FOXN3: variants seen among roughly 807,000 people sequenced by gnomAD.
The protein encoded by FOXN3 is forkhead box protein N3.
FOXN3 carries 7 observed loss-of-function variants against 38.4 expected under a neutral mutation model. The observed-to-expected ratio is 0.18, with a 90% CI of 0.10 to 0.34. FOXN3 has a LOEUF of 0.34. FOXN3 is among the 10% of genes least tolerant of loss of function. The probability of loss-of-function intolerance (pLI) is 1.00; values close to 1 mark genes in which losing one functional copy is unlikely to be tolerated. For synonymous variants in FOXN3, 230 were observed against 242.2 expected (o/e 0.95, Z 0.47); for missense variants, 456 against 613.4 (o/e 0.74, Z 2.71).
Position 89,184,405 on chromosome 14 carries a change from G to A in FOXN3, c.746-3599C>T, listed in dbSNP as rs11851247. On this transcript the variant is annotated intron_variant, in intron 4 of 5. Coordinates refer to ENST00000557258, the MANE Select transcript of FOXN3 (RefSeq NM_005197.4). ...AGGAAGAAAAGCACCCCTGGGGAGA[G>A]TGTGGCATGACAGAGTCCTCTGCCC... Among the ~76,000 whole-genome samples the A allele has an allele frequency of 3.2e-3, 492 of 152,320 alleles. 3 individuals are homozygous for A. Among genetic ancestry groups the A allele is most frequent in the African/African-American group, 0.011 (456 of 41,562 alleles).
At chr14:89,477,389 G>A (rs1236982862) in intron 1 of FOXN3, among the ~76,000 whole-genome samples, 4 of 152,074 alleles carry the variant, frequency 2.6e-5, no homozygotes, top group Non-Finnish European at 5.9e-5. Context: ...ATCTTTTCTA[G>A]GGTGTTATAA....
intron 1 of FOXN3, among the ~76,000 whole-genome samples, chr14:89,464,270 C>T (rs1892923767): frequency 6.6e-6 from 1 of 152,170 alleles, no homozygotes. Flanking sequence ...ATTTCCTAGA[C>T]CTGGGAGTCC....
At chr14:89,394,269 G>T (rs1596249170) in intron 2 of FOXN3, among the ~76,000 whole-genome samples, 1 of 149,016 alleles carries the variant, frequency 6.7e-6, no homozygotes, top group Non-Finnish European at 1.5e-5. Flanking sequence ...CCAGGCTGGG[G>T]TGCAACTCAC....
intron 1 of FOXN3, among the ~76,000 whole-genome samples, chr14:89,529,223 TTG>T (rs757124126): frequency 1.8e-4 from 28 of 152,140 alleles, no homozygotes; most frequent in Non-Finnish European, 4.1e-4. Flanking sequence ...CAATTCGTGT[TTG>T]TGTGTGTGTC....
intron 1 of FOXN3, among the ~76,000 whole-genome samples, chr14:89,615,345 C>G (rs1029478742): frequency 3.3e-5 from 5 of 152,138 alleles, no homozygotes; most frequent in Non-Finnish European, 7.4e-5. Flanking sequence ...GTGTGAGTAA[C>G]TAGCTGACAA....
chr14:89,483,644 G>A (rs747724661), intron 1 of FOXN3, among the ~76,000 whole-genome samples: 1 of 152,138 alleles, frequency 6.6e-6, no homozygotes, highest in African/African-American at 2.4e-5. Flanking sequence ...CTGACCTCAG[G>A]TGATCCGCCT....
At chr14:89,500,590 G>A (rs1274986926) in intron 1 of FOXN3, among the ~76,000 whole-genome samples, 1 of 152,240 alleles carries the variant, frequency 6.6e-6, no homozygotes, top group Non-Finnish European at 1.5e-5. Flanking sequence ...CATGCTGGGG[G>A]TGTGCCCCTA....
chr14:89,219,587 T>G (rs1378274630), intron 4 of FOXN3, among the ~76,000 whole-genome samples: 2 of 152,172 alleles, frequency 1.3e-5, no homozygotes, highest in Non-Finnish European at 2.9e-5. Flanking sequence ...ATCAAACATC[T>G]GGCGAGTGGA....
At chr14:89,182,911 G>GAAA (rs923370644) in intron 4 of FOXN3, among the ~76,000 whole-genome samples, 1 of 152,160 alleles carries the variant, frequency 6.6e-6, no homozygotes, top group Non-Finnish European at 1.5e-5. Flanking sequence ...ATCCATTTGG[G>GAAA]AAAAAAATGA....
chr14:89,573,774 A>G (rs2139898614), intron 1 of FOXN3, among the ~76,000 whole-genome samples: 1 of 152,334 alleles, frequency 6.6e-6, no homozygotes, highest in East Asian at 1.9e-4. Context: ...AGGCCACAAG[A>G]GGATTAAAGC....
At chr14:89,360,502 GA>G (rs1889434204) in intron 2 of FOXN3, among the ~76,000 whole-genome samples, 1 of 142,386 alleles carries the variant, frequency 7.0e-6, no homozygotes. Context: ...GGAAGGGAGG[GA>G]AAAACGGTGA....
chr14:89,429,356 A>C (rs1302720359), intron 1 of FOXN3, among the ~76,000 whole-genome samples: 2 of 152,096 alleles, frequency 1.3e-5, no homozygotes, highest in Non-Finnish European at 2.9e-5. Context: ...TCGGTCTAAA[A>C]CGCCTGGCAC....
chr14:89,291,054 T>A, intron 3 of FOXN3: 1 of 484,422 alleles, frequency 2.1e-6, no homozygotes, highest in Non-Finnish European at 4.1e-6. Flanking sequence ...AATGTTCACA[T>A]ATGACCTCAC....
intron 4 of FOXN3, among the ~76,000 whole-genome samples, chr14:89,262,809 T>G (rs1566941806): frequency 6.6e-6 from 1 of 152,234 alleles, no homozygotes; most frequent in African/African-American, 2.4e-5. Context: ...ACTCAGTATT[T>G]ACAAAGGGCT....
chr14:89,391,129 T>A (rs1566975545), intron 2 of FOXN3, among the ~76,000 whole-genome samples: 1 of 152,092 alleles, frequency 6.6e-6, no homozygotes, highest in Admixed American at 6.5e-5. Context: ...TAAGAGAAAA[T>A]CACCTTGAAC....
At chr14:89,495,095 T>C (rs1291206155) in intron 1 of FOXN3, among the ~76,000 whole-genome samples, 1 of 152,218 alleles carries the variant, frequency 6.6e-6, no homozygotes, top group African/African-American at 2.4e-5. Context: ...GTAATATTCA[T>C]CACGGTAGAC....
intron 3 of FOXN3, among the ~76,000 whole-genome samples, chr14:89,292,844 C>A (rs1479129276): frequency 2.6e-5 from 4 of 152,218 alleles, no homozygotes; most frequent in African/African-American, 9.6e-5. Flanking sequence ...CCCCTCTCCA[C>A]CGCACGACCT....
intron 1 of FOXN3, among the ~76,000 whole-genome samples, chr14:89,458,365 C>T (rs1291239777): frequency 6.6e-6 from 1 of 152,180 alleles, no homozygotes; most frequent in African/African-American, 2.4e-5. Flanking sequence ...TTGGAGACAG[C>T]CACTTGAGCA....
chr14:89,226,165 C>G (rs1161848377), intron 4 of FOXN3, among the ~76,000 whole-genome samples: 1 of 140,538 alleles, frequency 7.1e-6, no homozygotes, highest in Non-Finnish European at 1.5e-5. Flanking sequence ...ATTGATCTAC[C>G]AAGGAGACAT....
Sources: gnomAD v4.1 joint callset for allele counts (sites outside exome capture counted in the v4.1 genomes callset) on GRCh38, gnomAD v4.1.1 for gene constraint, MANE v1.5 for transcripts, NCBI Gene and HGNC (gene_info 2026-07-23, HGNC 2026-07-21) for gene names.